The following DRICH1 variants were observed in gnomAD, a reference collection of about 807,000 sequenced individuals.
DRICH1 encodes the protein aspartate-rich protein 1.
In DRICH1, 38 loss-of-function variants were observed where a neutral mutation model predicts 39.5. That is an observed-to-expected ratio of 0.96 (90% CI 0.74 to 1.26). The LOEUF (loss-of-function observed/expected upper bound fraction) is 1.26. Ranked by LOEUF, DRICH1 falls within the 50% of genes most tolerant of loss-of-function variation. The probability of loss-of-function intolerance (pLI) is 0.00; values close to 1 mark genes in which losing one functional copy is unlikely to be tolerated. For synonymous variants in DRICH1, 84 were observed against 99.5 expected, an observed-to-expected ratio of 0.84 and a Z score of 0.93; for missense variants, 279 against 270.4, an observed-to-expected ratio of 1.03 and a Z score of -0.22.
chr22:23,582,670 A>G, the DRICH1 span, among the ~76,000 whole-genome samples: 3 of 151,924 alleles, frequency 2.0e-5, no homozygotes, highest in East Asian at 5.8e-4. Flanking sequence ...GGTTCGAGCA[A>G]TTCTCCTGCT....
At chr22:23,607,458 C>T (rs1926792229), downstream of DRICH1, among the ~76,000 whole-genome samples, 1 of 152,052 alleles carries the variant, frequency 6.6e-6, no homozygotes, top group Non-Finnish European at 1.5e-5. Context: ...CACACTGGGA[C>T]CCTCATTGTG....
At chr22:23,619,044 CAT>C (rs1927551409) in intron 6 of DRICH1, among the ~76,000 whole-genome samples, 1 of 151,760 alleles carries the variant, frequency 6.6e-6, no homozygotes, top group Non-Finnish European at 1.5e-5. Flanking sequence ...TGGTGGCATG[CAT>C]CTGTAGTCCC....
intron 6 of DRICH1, among the ~76,000 whole-genome samples, chr22:23,618,010 C>A (rs1314774209): frequency 6.6e-6 from 1 of 151,974 alleles, no homozygotes; most frequent in African/African-American, 2.4e-5. Context: ...CATAATTATG[C>A]TGGTACAACA....
chr22:23,618,401 ACC>A (rs1569091095), intron 6 of DRICH1, among the ~76,000 whole-genome samples: 2 of 152,028 alleles, frequency 1.3e-5, no homozygotes, highest in African/African-American at 2.4e-5. Flanking sequence ...GGGGTGAGCC[ACC>A]GCACCCAGCT....
chr22:23,607,803 T>C (rs1250204687), downstream of DRICH1, among the ~76,000 whole-genome samples: 1 of 152,178 alleles, frequency 6.6e-6, no homozygotes, highest in African/African-American at 2.4e-5. Context: ...TCCTCCTATG[T>C]CCACTGTGAC....
downstream of DRICH1, chr22:23,608,430 A>T (rs937881457): frequency 1.0e-5 from 4 of 397,814 alleles, no homozygotes; most frequent in Non-Finnish European, 1.9e-5. Context: ...GTCAGACCTG[A>T]TCAGCCACCT....
the DRICH1 span, among the ~76,000 whole-genome samples, chr22:23,594,761 G>A: frequency 9.4e-4 from 143 of 152,028 alleles, no homozygotes; most frequent in African/African-American, 3.2e-3. Context: ...TCCTGTTAAA[G>A]CAGAGGCTTC....
At chr22:23,584,155 C>T in the DRICH1 span, among the ~76,000 whole-genome samples, 2 of 152,066 alleles carry the variant, frequency 1.3e-5, no homozygotes, top group East Asian at 1.9e-4. Flanking sequence ...TCTCACCACC[C>T]AGGCTCACCT....
At chr22:23,628,494 G>A (rs1407838201) in intron 1 of DRICH1, among the ~76,000 whole-genome samples, 1 of 152,038 alleles carries the variant, frequency 6.6e-6, no homozygotes, top group Non-Finnish European at 1.5e-5. Context: ...TTGAACTTGG[G>A]AGGTGGACGT....
At chr22:23,632,634 G>A (rs1194980365), upstream of DRICH1, among the ~76,000 whole-genome samples, 1 of 151,980 alleles carries the variant, frequency 6.6e-6, no homozygotes, top group Admixed American at 6.6e-5. Flanking sequence ...ATGGCCGGGA[G>A]TGGTGGCTCA....
intron 8 of DRICH1, among the ~76,000 whole-genome samples, chr22:23,614,996 A>T (rs1243939873): frequency 6.6e-6 from 1 of 152,238 alleles, no homozygotes; most frequent in African/African-American, 2.4e-5. Context: ...GAACTGGGGA[A>T]ATGTATACCA....
the DRICH1 span, among the ~76,000 whole-genome samples, chr22:23,592,169 T>C: frequency 6.6e-6 from 1 of 152,140 alleles, no homozygotes; most frequent in African/African-American, 2.4e-5. Flanking sequence ...AGGCTGGCCT[T>C]GACATTCTGG....
At chr22:23,606,010 G>A (rs1434828464), downstream of DRICH1, among the ~76,000 whole-genome samples, 1 of 149,088 alleles carries the variant, frequency 6.7e-6, no homozygotes, top group Non-Finnish European at 1.5e-5. Context: ...GGAGGCGAAG[G>A]TTACAGTGAG....
At chr22:23,616,164 C>T (rs1927334543) in intron 8 of DRICH1, among the ~76,000 whole-genome samples, 1 of 152,170 alleles carries the variant, frequency 6.6e-6, no homozygotes, top group Non-Finnish European at 1.5e-5. Context: ...TTAATCTCTC[C>T]TATGCATCTG....
chr22:23,631,437 A>G (rs1288385254), intron 1 of DRICH1, among the ~76,000 whole-genome samples: 7 of 151,650 alleles, frequency 4.6e-5, no homozygotes, highest in African/African-American at 1.7e-4. Flanking sequence ...TAAATAAATA[A>G]ATAAATAATA....
intron 6 of DRICH1, among the ~76,000 whole-genome samples, chr22:23,618,404 G>GGGAT (rs1569091101): frequency 1.3e-5 from 2 of 151,750 alleles, no homozygotes; most frequent in African/African-American, 2.4e-5. Flanking sequence ...GTGAGCCACC[G>GGGAT]CACCCAGCTG....
chr22:23,592,891 G>T, the DRICH1 span, among the ~76,000 whole-genome samples: 5 of 147,842 alleles, frequency 3.4e-5, no homozygotes, highest in Non-Finnish European at 7.5e-5. Flanking sequence ...AAATTAGCTG[G>T]CATGATGGCA....
chr22:23,620,585 G>C lies in DRICH1; in HGVS notation c.406+9C>G, dbSNP rs1421867855. The C allele has an allele frequency of 1.2e-6, 2 of 1,613,358 alleles. No individual in the cohort carries two copies. Among genetic ancestry groups the C allele is most frequent in the African/African-American group, 2.7e-5 (2 of 74,876 alleles). ...TTTCTCAGAAAGTGAGTTAGTTCAA[G>C]GTACATACCCTGGACACGTGACGGT... On this transcript the variant is annotated intron_variant, in intron 5 of 11. Coordinates refer to ENST00000317749, the MANE Select transcript of DRICH1 (RefSeq NM_016449.4).
chr22:23,612,466 CAA>C (rs1211963554), intron 11 of DRICH1, among the ~76,000 whole-genome samples: 1 of 24,850 alleles, frequency 4.0e-5, no homozygotes. Flanking sequence ...GACTCCATCT[CAA>C]AAAAAAAAAA....
Sources: allele counts gnomAD v4.1 joint callset (sites outside exome capture counted in the v4.1 genomes callset), GRCh38; gene constraint gnomAD v4.1.1; transcripts MANE v1.5; gene names NCBI Gene and HGNC (gene_info 2026-07-23, HGNC 2026-07-21).